MBNL2: variants seen among roughly 807,000 people sequenced by gnomAD.
MBNL2 encodes the protein muscleblind-like protein 2.
A neutral mutation model predicts 41.9 loss-of-function variants in MBNL2; 17 were observed. That is an observed-to-expected ratio of 0.41 (90% CI 0.28 to 0.61). The LOEUF (loss-of-function observed/expected upper bound fraction) is 0.61, where lower values mean the gene tolerates loss of function less well. MBNL2 is among the 20% of genes least tolerant of loss of function. The probability of loss-of-function intolerance (pLI) is 0.35; values close to 1 mark genes in which losing one functional copy is unlikely to be tolerated. For missense variants in MBNL2, 336 were observed against 505.6 expected (o/e 0.66, Z 3.22); for synonymous variants, 195 against 182.9 (o/e 1.07, Z -0.53).
At chr13:97,150,008 T>C in the MBNL2 span, among the ~76,000 whole-genome samples, 3 of 152,340 alleles carry the variant, frequency 2.0e-5, no homozygotes, top group Non-Finnish European at 2.9e-5. Context: ...GGTTTTCCAA[T>C]TGTGCTCTGG....
intron 2 of MBNL2, among the ~76,000 whole-genome samples, chr13:97,298,503 C>G (rs9584539): frequency 3.1e-3 from 465 of 152,258 alleles, no homozygotes; most frequent in African/African-American, 0.011. Context: ...TGAGACTTAA[C>G]AAGATTCAGT....
At chr13:97,164,766 A>T in the MBNL2 span, among the ~76,000 whole-genome samples, 5 of 152,150 alleles carry the variant, frequency 3.3e-5, no homozygotes, top group Admixed American at 2.6e-4. Context: ...ATGTCTCTTA[A>T]TTCTGGAGAA....
intron 8 of MBNL2, among the ~76,000 whole-genome samples, chr13:97,381,271 C>G (rs2065434906): frequency 6.6e-6 from 1 of 152,164 alleles, no homozygotes; most frequent in South Asian, 2.1e-4. Context: ...ATGTCCAAGT[C>G]CAGTACCTTA....
chr13:97,182,314 C>T, the MBNL2 span, among the ~76,000 whole-genome samples: 5 of 152,252 alleles, frequency 3.3e-5, no homozygotes, highest in African/African-American at 1.2e-4. Context: ...AGCAGGTGGA[C>T]GAAGGAAGTC....
chr13:97,278,278 G>A (rs1444480912), intron 2 of MBNL2, among the ~76,000 whole-genome samples: 74 of 90,928 alleles, frequency 8.1e-4, no homozygotes, highest in African/African-American at 2.5e-3. Flanking sequence ...AAAAAAAAAA[G>A]CAGTGTAGAT....
chr13:97,188,647 G>GA, the MBNL2 span, among the ~76,000 whole-genome samples: 30 of 147,184 alleles, frequency 2.0e-4, no homozygotes, highest in Middle Eastern at 3.5e-3. Flanking sequence ...AAAGAGAAAG[G>GA]AAAAAAAAAA....
chr13:97,226,102 G>C (rs1244481655), intron 1 of MBNL2, among the ~76,000 whole-genome samples: 1 of 152,022 alleles, frequency 6.6e-6, no homozygotes, highest in East Asian at 1.9e-4. Context: ...CAAAGGTGCT[G>C]CGTGGCTGGG....
chr13:97,193,222 G>A, the MBNL2 span, among the ~76,000 whole-genome samples: 30 of 152,312 alleles, frequency 2.0e-4, no homozygotes, highest in East Asian at 3.3e-3. Context: ...TCTCCCCAGC[G>A]GACCAATGCA....
chr13:97,169,751 C>CT, the MBNL2 span, among the ~76,000 whole-genome samples: 1 of 152,138 alleles, frequency 6.6e-6, no homozygotes, highest in Non-Finnish European at 1.5e-5. Context: ...CCAATCTTTC[C>CT]AAACCTTGTC....
intron 1 of MBNL2, among the ~76,000 whole-genome samples, chr13:97,254,838 A>G (rs1259589636): frequency 6.6e-6 from 1 of 152,236 alleles, no homozygotes; most frequent in East Asian, 1.9e-4. Context: ...GCTACTTTTC[A>G]GCAGCAGGAA....
chr13:97,316,992 C>T (rs988755554), intron 2 of MBNL2, among the ~76,000 whole-genome samples: 1 of 152,160 alleles, frequency 6.6e-6, no homozygotes, highest in African/African-American at 2.4e-5. Flanking sequence ...GGGGATAGTG[C>T]AGCAGAGGGT....
the MBNL2 span, among the ~76,000 whole-genome samples, chr13:97,161,306 T>C: frequency 5.3e-5 from 8 of 152,200 alleles, no homozygotes; most frequent in Non-Finnish European, 1.2e-4. Flanking sequence ...TTGGGGTCCA[T>C]TCTCATTGCT....
the MBNL2 span, among the ~76,000 whole-genome samples, chr13:97,155,169 T>A: frequency 6.6e-6 from 1 of 152,092 alleles, no homozygotes; most frequent in East Asian, 1.9e-4. Flanking sequence ...ACACATGGAC[T>A]TTGGAATTTT....
intron 1 of MBNL2, among the ~76,000 whole-genome samples, chr13:97,243,839 G>A (rs1007440726): frequency 1.3e-5 from 2 of 152,170 alleles, no homozygotes; most frequent in Non-Finnish European, 2.9e-5. Context: ...ATAGGGCTGG[G>A]TAACTGAGAA....
At chr13:97,303,185 G>A (rs1029255572) in intron 2 of MBNL2, among the ~76,000 whole-genome samples, 1 of 152,172 alleles carries the variant, frequency 6.6e-6, no homozygotes, top group African/African-American at 2.4e-5. Flanking sequence ...CAGGCTTTGG[G>A]ATCATGAGTT....
intron 2 of MBNL2, among the ~76,000 whole-genome samples, chr13:97,319,444 T>C (rs1418924365): frequency 6.6e-6 from 1 of 152,076 alleles, no homozygotes; most frequent in Non-Finnish European, 1.5e-5. Flanking sequence ...GTGAGGGTGA[T>C]AGAAGACTCC....
the MBNL2 span, among the ~76,000 whole-genome samples, chr13:97,166,791 GATA>G: frequency 1.4e-5 from 1 of 72,132 alleles, no homozygotes; most frequent in Non-Finnish European, 3.1e-5. Context: ...TTGATAGATA[GATA>G]GATAGATAGA....
At chr13:97,377,328 C>T (rs7987394) in intron 8 of MBNL2, among the ~76,000 whole-genome samples, 2,851 of 152,244 alleles carry the variant, frequency 0.019, 92 homozygotes, top group African/African-American at 0.057. Context: ...GTTAACTGAC[C>T]TTAGTCAAGT....
the MBNL2 span, among the ~76,000 whole-genome samples, chr13:97,171,898 T>C: frequency 1.3e-5 from 2 of 152,256 alleles, no homozygotes; most frequent in African/African-American, 4.8e-5. Context: ...GGGAAACTCT[T>C]TTTGCTCGGC....
Sources: gnomAD v4.1 joint callset for allele counts (sites outside exome capture counted in the v4.1 genomes callset) on GRCh38, gnomAD v4.1.1 for gene constraint, MANE v1.5 for transcripts, NCBI Gene and HGNC (gene_info 2026-07-23, HGNC 2026-07-21) for gene names.